LAMA2: variants seen among roughly 807,000 people sequenced by gnomAD.
LAMA2 encodes the protein laminin subunit alpha-2.
Under a neutral mutation model 364.8 loss-of-function variants are expected in LAMA2, and 269 were observed. That is an observed-to-expected ratio of 0.74 (90% CI 0.67 to 0.82). The LOEUF (loss-of-function observed/expected upper bound fraction) is 0.82. Ranked by LOEUF, LAMA2 falls within the 40% of genes least tolerant of loss-of-function variation. The pLI, the probability that LAMA2 is intolerant of heterozygous loss-of-function variation, is 0.00. For missense variants in LAMA2, 3,807 were observed against 3,873.2 expected, an observed-to-expected ratio of 0.98 and a Z score of 0.45; for synonymous variants, 1,379 against 1,370.6, an observed-to-expected ratio of 1.01 and a Z score of -0.14.
chr6:129,219,910 G>T (rs1783704481), intron 12 of LAMA2, among the ~76,000 whole-genome samples: 1 of 150,876 alleles, frequency 6.6e-6, no homozygotes, highest in Admixed American at 6.6e-5. Flanking sequence ...CATGGCACAT[G>T]TATACATATG....
chr6:129,272,934 C>T (rs1788045331), intron 17 of LAMA2, among the ~76,000 whole-genome samples: 2 of 152,076 alleles, frequency 1.3e-5, no homozygotes, highest in African/African-American at 4.8e-5. Flanking sequence ...AAAATTGTCT[C>T]CAACAAAAGA....
At chr6:129,056,400 A>G (rs760821754) in intron 2 of LAMA2, among the ~76,000 whole-genome samples, 2 of 152,192 alleles carry the variant, frequency 1.3e-5, no homozygotes, top group Non-Finnish European at 2.9e-5. Flanking sequence ...AAATATATTC[A>G]GAAATTTTAC....
intron 4 of LAMA2, among the ~76,000 whole-genome samples, chr6:129,123,370 GATAT>G (rs139516848): frequency 1.4e-5 from 2 of 145,806 alleles, no homozygotes; most frequent in Admixed American, 6.9e-5. Flanking sequence ...ATGTGTGTGA[GATAT>G]ATATATATAT....
At chr6:129,157,525 A>G (rs1020990028) in intron 8 of LAMA2, 108 of 1,611,998 alleles carry the variant, frequency 6.7e-5, no homozygotes, top group Non-Finnish European at 8.4e-5. Context: ...TTTAACCGTC[A>G]GATTTTTACA....
chr6:129,340,965 A>G, intron 29 of LAMA2, among the ~76,000 whole-genome samples: 1 of 152,236 alleles, frequency 6.6e-6, no homozygotes, highest in East Asian at 1.9e-4. Flanking sequence ...TTTCAAATAT[A>G]ACACCAAAAA....
chr6:129,393,928 T>G (rs1370384582), intron 37 of LAMA2, among the ~76,000 whole-genome samples: 1 of 152,206 alleles, frequency 6.6e-6, no homozygotes, highest in Non-Finnish European at 1.5e-5. Context: ...CTGCGTTATT[T>G]TCTCCTCCTT....
intron 1 of LAMA2, among the ~76,000 whole-genome samples, chr6:128,950,642 A>C (rs1337218952): frequency 1.3e-5 from 2 of 152,136 alleles, no homozygotes; most frequent in East Asian, 3.9e-4. Context: ...GTTTGACCTC[A>C]GTCAAGTTAT....
intron 1 of LAMA2, among the ~76,000 whole-genome samples, chr6:128,993,211 A>G (rs1334998786): frequency 6.6e-6 from 1 of 152,246 alleles, no homozygotes; most frequent in Non-Finnish European, 1.5e-5. Context: ...TCAAAAGAAA[A>G]TAATTAAGCA....
At chr6:129,082,225 G>T (rs1432147438) in intron 3 of LAMA2, among the ~76,000 whole-genome samples, 1 of 152,020 alleles carries the variant, frequency 6.6e-6, no homozygotes, top group Non-Finnish European at 1.5e-5. Flanking sequence ...AGTAACCAAT[G>T]AATAGATATT....
intron 1 of LAMA2, among the ~76,000 whole-genome samples, chr6:128,975,404 A>C (rs1389635396): frequency 6.6e-6 from 1 of 152,098 alleles, no homozygotes; most frequent in Non-Finnish European, 1.5e-5. Flanking sequence ...TGAATAATTG[A>C]GCACTTTAGC....
At chr6:129,116,047 A>T (rs1236644054) in intron 4 of LAMA2, among the ~76,000 whole-genome samples, 2 of 152,120 alleles carry the variant, frequency 1.3e-5, no homozygotes, top group Non-Finnish European at 2.9e-5. Context: ...CTGTGACTGA[A>T]TCTTATTCTT....
intron 40 of LAMA2, 108 bp from the exon 41 acceptor site, chr6:129,427,644 C>T: frequency 1.3e-6 from 1 of 782,674 alleles, no homozygotes; most frequent in Non-Finnish European, 2.3e-6. Context: ...TATCTGCAGC[C>T]CAGAGCTCTT....
chr6:129,503,116 A>G lies in LAMA2; in HGVS notation c.8383A>G (p.Thr2795Ala), dbSNP rs774076852. 6.2e-7 allele frequency: 1 copy of G among 1,614,188 alleles called. No homozygotes were observed. The highest frequency in any genetic ancestry group is 8.5e-7 in the Non-Finnish European group (1 of 1,179,998). The change falls in exon 60 of 65, where the codon ACC becomes GCC. Residue 2795 changes from threonine to alanine, a missense_variant. By Grantham distance (58) the Thr-to-Ala change is moderately conservative. Around this residue, in one of 3 missense-constraint regions of LAMA2, gnomAD observed 3,333 missense variants for 3,345.7 expected, o/e 1.00. Coordinates refer to ENST00000421865, the MANE Select transcript of LAMA2 (RefSeq NM_000426.4). ...NRLTIELEVR[T>A]EAESGLLFYM... Reference sequence around the variant, plus strand: ...TCTCACAATTGAGTTGGAAGTAAGAACCGAAGCTGAATCCGGCTTGCTTTT... The same window carrying G: ...TCTCACAATTGAGTTGGAAGTAAGAGCCGAAGCTGAATCCGGCTTGCTTTT...
chr6:129,387,326 A>G (rs1222559704), intron 35 of LAMA2, among the ~76,000 whole-genome samples: 1 of 152,224 alleles, frequency 6.6e-6, no homozygotes, highest in Non-Finnish European at 1.5e-5. Flanking sequence ...ACTGATCATT[A>G]GAGAAATGCA....
chr6:129,470,053 A>G (rs2114818303), intron 51 of LAMA2, among the ~76,000 whole-genome samples: 1 of 152,004 alleles, frequency 6.6e-6, no homozygotes, highest in African/African-American at 2.4e-5. Context: ...ATACAATTAC[A>G]TGTTACAAAC....
At position 129,507,656 on chromosome 6, in the gene LAMA2, A is replaced by G; in HGVS notation, c.8857+14A>G. The stretch of plus-strand genomic sequence containing the variant: ...TTGCCAAAGCAGGTAAGGCTCTTTC[A>G]TTTCCTTCCTGTTGATTATTAACTA... On this transcript the variant is annotated intron_variant, in intron 62 of 64. Transcript: ENST00000421865. 2 of 1,613,490 alleles carry G rather than the reference A, an allele frequency of 1.2e-6. No homozygotes were observed. Among genetic ancestry groups the G allele is most frequent in the African/African-American group, 1.3e-5 (1 of 75,004 alleles).
At chr6:129,153,633 T>C (rs1778941952) in intron 7 of LAMA2, among the ~76,000 whole-genome samples, 1 of 152,180 alleles carries the variant, frequency 6.6e-6, no homozygotes, top group Admixed American at 6.5e-5. Context: ...CTCAGGTTTC[T>C]AGTATACAAA....
intron 22 of LAMA2, among the ~76,000 whole-genome samples, chr6:129,301,853 A>G (rs1773570257): frequency 6.6e-6 from 1 of 151,990 alleles, no homozygotes; most frequent in Middle Eastern, 3.2e-3. Context: ...TAATTTTCCA[A>G]TTTCTACAAC....
Position 129,393,231 on chromosome 6 carries a change from T to C in LAMA2, c.5421T>C (p.Asn1807=), listed in dbSNP as rs2114674994. 3 of 1,613,800 alleles carry C rather than the reference T, an allele frequency of 1.9e-6. No homozygotes were observed. The highest frequency in any genetic ancestry group is 1.7e-6 in the Non-Finnish European group (2 of 1,179,764). The change falls in exon 37 of 65, where the codon AAT becomes AAC. Residue 1807 remains asparagine (N), a synonymous_variant. Coordinates refer to ENST00000421865, the MANE Select transcript of LAMA2 (RefSeq NM_000426.4). ...IREANRLFAV[N]QKNMTALEKK... is the part of the protein sequence containing the mutation. Reference sequence around the variant, plus strand: ...AAGCTAATCGCCTATTTGCAGTAAATCAGAAAAACATGACTGCATTGGAGG... The same window carrying C: ...AAGCTAATCGCCTATTTGCAGTAAACCAGAAAAACATGACTGCATTGGAGG...
Sources: allele counts gnomAD v4.1 joint callset (sites outside exome capture counted in the v4.1 genomes callset), GRCh38; gene constraint gnomAD v4.1.1; regional missense constraint gnomAD v4.1.1; transcripts MANE v1.5; gene names NCBI Gene and HGNC (gene_info 2026-07-23, HGNC 2026-07-21).